The following DGKZ variants were observed in gnomAD, a reference collection of about 807,000 sequenced individuals.
The protein encoded by DGKZ is diacylglycerol kinase zeta, also known as DAG kinase zeta.
A neutral mutation model predicts 142.5 loss-of-function variants in DGKZ; 45 were observed. The ratio of observed to expected loss-of-function variants is 0.32; its 90% CI spans 0.25 to 0.40. The LOEUF is 0.40. Among genes scored for constraint, DGKZ ranks in the 10% least tolerant of loss-of-function variants. The probability of loss-of-function intolerance (pLI) is 1.00; values close to 1 mark genes in which losing one functional copy is unlikely to be tolerated. For synonymous variants in DGKZ, 442 were observed against 527.0 expected (o/e 0.84, Z 2.21); for missense variants, 755 against 1,306.5 (o/e 0.58, Z 6.51).
chr11:46,341,885 A>G (rs932371560), intron 1 of DGKZ, among the ~76,000 whole-genome samples: 1 of 152,118 alleles, frequency 6.6e-6, no homozygotes, highest in African/African-American at 2.4e-5. Flanking sequence ...CTGAGAGAAA[A>G]TCTCTGCAGG....
upstream of DGKZ, among the ~76,000 whole-genome samples, chr11:46,344,534 A>G (rs1590383766): frequency 6.7e-6 from 1 of 148,442 alleles, no homozygotes; most frequent in African/African-American, 2.5e-5. Context: ...GCTCATCACA[A>G]CCTCCACCTC....
chr11:46,378,400 G>A, intron 26 of DGKZ, 57 bp from the exon 27 acceptor site: 1 of 1,558,954 alleles, frequency 6.4e-7, no homozygotes. Flanking sequence ...GTCCACTGAG[G>A]CACCAACCCA....
chr11:46,366,945 G>T, intron 1 of DGKZ: 1 of 1,539,078 alleles, frequency 6.5e-7, no homozygotes, highest in Non-Finnish European at 8.7e-7. Flanking sequence ...GCCCTACGGC[G>T]CAAGGCGGCC....
Position 46,367,224 on chromosome 11 carries a change from C to T in DGKZ, c.162-67C>T. 4.9e-6 allele frequency: 7 copies of T among 1,441,576 alleles called. No homozygotes were observed. The highest frequency in any genetic ancestry group is 6.7e-6 in the Non-Finnish European group (7 of 1,047,420). The allele number at this position is 1,441,576 out of a possible 1,614,324, so 89.3% of individuals were successfully genotyped here. On this transcript the variant is annotated intron_variant, in intron 1 of 30. Coordinates refer to ENST00000527911, the Ensembl canonical transcript of DGKZ. The surrounding 1 kb of genome is among the most constrained non-coding windows in gnomAD (Gnocchi z 4.1). ...GAGGTCACGGAAAGGGCAGAGGCCC[C>T]AGGAGGTGGGAGGAAGTAGGGTCAG... is the stretch of plus-strand genomic sequence containing the variant.
rs1565089164 is a variant in DGKZ at position 46,378,893 on chromosome 11, G to C, written c.2419-98G>C. 3.4e-6 allele frequency: 5 copies of C among 1,472,098 alleles called. No homozygotes were observed. The East Asian group carries it at 1.2e-4, about 35-fold the overall frequency. The allele number at this position is 1,472,098 out of a possible 1,614,324, so 91.2% of individuals were successfully genotyped here. ...AAGATGTGTGAGCGCACTCGTTTCA[G>C]GCCTGTGCTGGTGTACCCGGCTGTG... On this transcript the variant is annotated intron_variant, in intron 27 of 30. Transcript: ENST00000527911.
chr11:46,366,176 G>A, intron 1 of DGKZ: 11 of 1,428,166 alleles, frequency 7.7e-6, no homozygotes, highest in Non-Finnish European at 1.0e-5. Context: ...CTGTGAATGG[G>A]CTCCCGGACA....
At position 46,339,165 on chromosome 11, in the gene DGKZ, C is replaced by G. The variant is rs373750168; in HGVS notation, c.212+5678C>G. Among the ~76,000 whole-genome samples the G allele has an allele frequency of 1.8e-4, 27 of 152,324 alleles. No individual in the cohort carries two copies. In the South Asian group the frequency reaches 2.1e-3, roughly 12 times the overall value. On this transcript the variant is annotated intron_variant, in intron 1 of 30. Transcript: ENST00000343674. ...GCCCCCTGCCGTGGGCACGCTGCTG[C>G]GGGTCCACGACTCCTCAAGGGAGGG...
At chr11:46,371,000 G>A (rs994363036) in intron 6 of DGKZ, among the ~76,000 whole-genome samples, 4 of 152,148 alleles carry the variant, frequency 2.6e-5, no homozygotes, top group African/African-American at 4.8e-5. Flanking sequence ...CAAGAGAATC[G>A]CTTGAACCTG....
At chr11:46,370,802 G>T (rs1298446800) in intron 6 of DGKZ, among the ~76,000 whole-genome samples, 1 of 152,160 alleles carries the variant, frequency 6.6e-6, no homozygotes. Context: ...AATGTGTTCA[G>T]ACTGGGTGTG....
intron 1 of DGKZ, chr11:46,364,763 TCCTCCTG>T (rs1328491375): frequency 1.0e-6 from 1 of 985,308 alleles, no homozygotes; most frequent in African/African-American, 1.7e-5. Context: ...CCTTCATCCT[TCCTCCTG>T]CCCAACATGC....
At chr11:46,355,031 A>G (rs1024197517) in intron 1 of DGKZ, among the ~76,000 whole-genome samples, 3 of 152,178 alleles carry the variant, frequency 2.0e-5, no homozygotes, top group Non-Finnish European at 4.4e-5. Flanking sequence ...GGGTCTGTGT[A>G]TTTTCAGCTT....
In DGKZ at chr11:46,379,197, C is replaced by T. The variant is rs760538567; in HGVS notation, c.2540-6C>T. The T allele has an allele frequency of 5.0e-6, 8 of 1,613,030 alleles. No homozygotes were observed. Among genetic ancestry groups the T allele is most frequent in the East Asian group, 4.5e-5 (2 of 44,886 alleles). On this transcript the variant is annotated splice_polypyrimidine_tract_variant and splice_region_variant and intron_variant, in intron 28 of 30. Coordinates refer to ENST00000527911, the Ensembl canonical transcript of DGKZ. ...GCCTCTCTGACCACCACCTCCCCTTCTCCAGCCCCCCCAGAGATCCTTGAT... is the reference window on the plus strand; with the variant it reads ...GCCTCTCTGACCACCACCTCCCCTTTTCCAGCCCCCCCAGAGATCCTTGAT...
intron 1 of DGKZ, among the ~76,000 whole-genome samples, chr11:46,355,254 G>T (rs1481482341): frequency 6.6e-6 from 1 of 151,336 alleles, no homozygotes; most frequent in Non-Finnish European, 1.5e-5. Context: ...GACTACAGGC[G>T]CCCGCCACCA....
rs770095714 is a variant in DGKZ at position 46,372,542 on chromosome 11, TGGG to T, written c.1010+37_1010+39del. 20 of 1,613,578 alleles carry T rather than the reference TGGG, an allele frequency of 1.2e-5. No homozygotes were observed. In the African/African-American group the frequency reaches 1.7e-4, roughly 14 times the overall value. On this transcript the variant is annotated intron_variant, in intron 11 of 30. Coordinates refer to ENST00000527911, the Ensembl canonical transcript of DGKZ. The surrounding 1 kb of genome is among the most constrained non-coding windows in gnomAD (Gnocchi z 5.9). ...ACTTGCCAAGGTTTTGTGGGGGACA[TGGG>T]GGGGAACTTGCCTCACTCCTGGGGT... is the stretch of plus-strand genomic sequence containing the variant.
chr11:46,343,083 C>T (rs1271624758), upstream of DGKZ, among the ~76,000 whole-genome samples: 3 of 151,206 alleles, frequency 2.0e-5, no homozygotes, highest in Non-Finnish European at 4.4e-5. Context: ...GAGATCACGC[C>T]ACTACACTCC....
intron 1 of DGKZ, among the ~76,000 whole-genome samples, chr11:46,358,240 T>C (rs1942262326): frequency 6.6e-6 from 1 of 152,188 alleles, no homozygotes; most frequent in Non-Finnish European, 1.5e-5. Context: ...CATACATTTC[T>C]TTAAAAGTAG....
chr11:46,351,808 C>T (rs1231133918), intron 1 of DGKZ, among the ~76,000 whole-genome samples: 2 of 152,150 alleles, frequency 1.3e-5, no homozygotes, highest in African/African-American at 2.4e-5. Context: ...TACAGCTGGC[C>T]CCTGCTGGGA....
Position 46,372,041 on chromosome 11 carries a change from G to T in DGKZ, c.832-34G>T. ...GATGATGGTAGGGTGTCCTGGACGG[G>T]AAGGAGCTTACAGCCTCTCACCTTG... On this transcript the variant is annotated intron_variant, in intron 9 of 30. Transcript: ENST00000527911. This position sits in a 1 kb window ranked among gnomAD's most constrained non-coding sequence, Gnocchi z 5.9. The T allele has an allele frequency of 1.3e-6, 2 of 1,575,892 alleles. No homozygotes were observed.
chr11:46,371,799 C>A (rs773942443), intron 9 of DGKZ, 24 bp downstream of exon 9: 8 of 1,608,398 alleles, frequency 5.0e-6, no homozygotes, highest in Non-Finnish European at 6.8e-6. Context: ...TGGGCAGAGG[C>A]TGCAGGGGAG....
Sources: gnomAD v4.1 joint callset for allele counts (sites outside exome capture counted in the v4.1 genomes callset) on GRCh38, gnomAD v4.1.1 for gene constraint, Gnocchi (gnomAD v3.1) non-coding constraint, MANE v1.5 for transcripts, NCBI Gene and HGNC (gene_info 2026-07-23, HGNC 2026-07-21) for gene names.